CNTNAP2: variants seen among roughly 807,000 people sequenced by gnomAD.
CNTNAP2 encodes the protein contactin associated protein 2, also known as contactin-associated protein-like 2.
CNTNAP2 carries 98 observed loss-of-function variants against 155.2 expected under a neutral mutation model. That is an observed-to-expected ratio of 0.63 (90% confidence interval 0.54 to 0.75). CNTNAP2 has a LOEUF of 0.75. CNTNAP2 is among the 30% of genes least tolerant of loss of function. CNTNAP2 has a pLI of 0.00. For synonymous variants in CNTNAP2, 651 were observed against 631.2 expected, an observed-to-expected ratio of 1.03 and a Z score of -0.47; for missense variants, 1,727 against 1,688.1, an observed-to-expected ratio of 1.02 and a Z score of -0.40.
chr7:147,967,667 T>C (rs1454796838), intron 14 of CNTNAP2, among the ~76,000 whole-genome samples: 2 of 152,312 alleles, frequency 1.3e-5, no homozygotes, highest in East Asian at 3.9e-4. Context: ...TCTAATTGCA[T>C]GTGGGGAGAC....
intron 1 of CNTNAP2, among the ~76,000 whole-genome samples, chr7:146,364,627 T>C (rs1563056150): frequency 6.6e-6 from 1 of 152,212 alleles, no homozygotes. Flanking sequence ...AAGGACTCCG[T>C]ATGACTACTA....
intron 15 of CNTNAP2, among the ~76,000 whole-genome samples, chr7:148,011,363 T>G (rs1159645388): frequency 6.6e-6 from 1 of 152,212 alleles, no homozygotes; most frequent in East Asian, 1.9e-4. Flanking sequence ...TTCCTTTTGG[T>G]ACATTTTAAA....
intron 1 of CNTNAP2, among the ~76,000 whole-genome samples, chr7:146,678,449 T>C (rs1800443078): frequency 6.6e-6 from 1 of 152,130 alleles, no homozygotes; most frequent in Non-Finnish European, 1.5e-5. Context: ...AATCAAGAGA[T>C]ATTCAAGGAC....
chr7:146,427,113 A>G (rs1796104768), intron 1 of CNTNAP2, among the ~76,000 whole-genome samples: 1 of 152,172 alleles, frequency 6.6e-6, no homozygotes, highest in African/African-American at 2.4e-5. Context: ...TTTTCAGAAA[A>G]AAAGCAAACC....
chr7:147,191,015 C>CAT (rs1289830583), intron 8 of CNTNAP2, among the ~76,000 whole-genome samples: 22 of 151,450 alleles, frequency 1.5e-4, no homozygotes, highest in Non-Finnish European at 2.9e-4. Context: ...GATGTAAAGA[C>CAT]ATATATATAT....
chr7:148,310,207 A>G (rs1313250706), intron 21 of CNTNAP2, among the ~76,000 whole-genome samples: 1 of 152,256 alleles, frequency 6.6e-6, no homozygotes, highest in Admixed American at 6.5e-5. Context: ...CAGCATAATT[A>G]CTTACTTGGT....
intron 1 of CNTNAP2, among the ~76,000 whole-genome samples, chr7:146,500,527 C>T (rs544294060): frequency 6.6e-6 from 1 of 152,048 alleles, no homozygotes; most frequent in African/African-American, 2.4e-5. Context: ...CAGTTCTTTT[C>T]TACTTTTTGG....
At chr7:146,300,625 T>C (rs1036999433) in intron 1 of CNTNAP2, among the ~76,000 whole-genome samples, 9 of 152,286 alleles carry the variant, frequency 5.9e-5, no homozygotes, top group Admixed American at 4.6e-4. Context: ...AGGTTGGCCA[T>C]ATAGTTTCAA....
intron 11 of CNTNAP2, among the ~76,000 whole-genome samples, chr7:147,558,697 TTTCCTTCCTTCCTTCCTTCC>T (rs151097268): frequency 3.4e-5 from 5 of 148,812 alleles, no homozygotes; most frequent in African/African-American, 5.0e-5. Flanking sequence ...TCGTTCGTTC[TTTCCTTCCTTCCTTCCTTCC>T]TTCCTTCCTT....
chr7:148,209,000 A>T (rs779084143), intron 18 of CNTNAP2, among the ~76,000 whole-genome samples: 1 of 152,110 alleles, frequency 6.6e-6, no homozygotes, highest in Non-Finnish European at 1.5e-5. Context: ...AATTCTATCC[A>T]TGCTTGCATT....
intron 15 of CNTNAP2, among the ~76,000 whole-genome samples, chr7:147,982,020 C>T (rs28716147): frequency 0.53 from 80,508 of 151,856 alleles, 22,126 homozygotes; most frequent in Middle Eastern, 0.74. Flanking sequence ...AATCAATGAT[C>T]AGGTAGACAT....
intron 1 of CNTNAP2, among the ~76,000 whole-genome samples, chr7:146,675,880 T>G (rs1800389926): frequency 6.6e-6 from 1 of 152,190 alleles, no homozygotes; most frequent in South Asian, 2.1e-4. Context: ...ATACATATGC[T>G]TCATTTTATT....
At chr7:146,126,032 T>C (rs1434363388) in intron 1 of CNTNAP2, among the ~76,000 whole-genome samples, 1 of 152,200 alleles carries the variant, frequency 6.6e-6, no homozygotes, top group Non-Finnish European at 1.5e-5. Flanking sequence ...TCTTTATGTG[T>C]ACTAGGTCAT....
rs150215296 is a variant in CNTNAP2 at position 147,583,959 on chromosome 7, G to A, written c.1897+21702G>A. ...ACTTGTATCAAAACTTGAAGAATAG[G>A]CCTCAGTGCCTTAGAGGAAAGTTCT... On this transcript the variant is annotated intron_variant, in intron 12 of 23. Coordinates refer to ENST00000361727, the MANE Select transcript of CNTNAP2 (RefSeq NM_014141.6). 2.7e-3 allele frequency among the ~76,000 whole-genome samples: 411 copies of A among 152,170 alleles called. 2 individuals carry two copies. The highest frequency in any genetic ancestry group is 3.4e-3 in the Non-Finnish European group (230 of 68,020).
chr7:146,247,346 C>T (rs1000274329), intron 1 of CNTNAP2, among the ~76,000 whole-genome samples: 20 of 152,142 alleles, frequency 1.3e-4, no homozygotes, highest in African/African-American at 4.3e-4. Flanking sequence ...AACTGTAAGC[C>T]GGACCGGGTG....
At chr7:146,984,943 AT>A (rs1459848495) in intron 3 of CNTNAP2, among the ~76,000 whole-genome samples, 1 of 152,198 alleles carries the variant, frequency 6.6e-6, no homozygotes, top group East Asian at 1.9e-4. Flanking sequence ...GACAGTTTGA[AT>A]TCATGTGTTT....
chr7:147,361,414 C>T (rs1257364044), intron 9 of CNTNAP2, among the ~76,000 whole-genome samples: 1 of 152,186 alleles, frequency 6.6e-6, no homozygotes, highest in African/African-American at 2.4e-5. Flanking sequence ...ATCTGTCTAT[C>T]TTGTTCTTGC....
chr7:146,186,916 G>C (rs768781716), intron 1 of CNTNAP2, among the ~76,000 whole-genome samples: 6 of 151,984 alleles, frequency 3.9e-5, no homozygotes, highest in Non-Finnish European at 8.8e-5. Flanking sequence ...CTCTATTCAA[G>C]AACCTAGTAA....
intron 1 of CNTNAP2, among the ~76,000 whole-genome samples, chr7:146,147,606 T>C (rs1305591214): frequency 1.3e-5 from 2 of 152,148 alleles, no homozygotes; most frequent in Non-Finnish European, 2.9e-5. Context: ...GCAGGCTCTG[T>C]ATTCTGTTAT....
Sources: allele counts gnomAD v4.1 joint callset (sites outside exome capture counted in the v4.1 genomes callset), GRCh38; gene constraint gnomAD v4.1.1; transcripts MANE v1.5; gene names NCBI Gene and HGNC (gene_info 2026-07-23, HGNC 2026-07-21).